The following NETO1 variants were observed in gnomAD, a reference collection of about 807,000 sequenced individuals.
The protein encoded by NETO1 is neuropilin and tolloid-like protein 1.
Under a neutral mutation model 61.3 loss-of-function variants are expected in NETO1, and 26 were observed. The observed-to-expected ratio is 0.42, with a 90% CI of 0.31 to 0.59. NETO1 has a LOEUF of 0.59. NETO1 is among the 20% of genes least tolerant of loss of function. The pLI is 0.12. For missense variants in NETO1, 531 were observed against 662.8 expected (o/e 0.80, Z 2.18); for synonymous variants, 225 against 225.8 (o/e 1.00, Z 0.03).
At chr18:72,813,375 C>A (rs2145222984) in intron 4 of NETO1, among the ~76,000 whole-genome samples, 1 of 152,254 alleles carries the variant, frequency 6.6e-6, no homozygotes, top group African/African-American at 2.4e-5. Flanking sequence ...ACAATTCCCC[C>A]AAATAATTTT....
intron 4 of NETO1, among the ~76,000 whole-genome samples, chr18:72,843,592 T>C (rs2073998905): frequency 6.6e-6 from 1 of 152,256 alleles, no homozygotes; most frequent in Admixed American, 6.5e-5. Flanking sequence ...GTGTAGCTCA[T>C]GTGTACCCTT....
intron 7 of NETO1, among the ~76,000 whole-genome samples, chr18:72,761,073 C>CATAAAATGTTAAGATGTATGAT (rs1361293168): frequency 0.02 from 3,040 of 148,616 alleles, 216 homozygotes; most frequent in African/African-American, 0.069. Context: ...AGATGTATGA[C>CATAAAATGTTAAGATGTATGAT]ATAAAATGTT....
intron 3 of NETO1, among the ~76,000 whole-genome samples, chr18:72,862,498 T>C (rs1206196456): frequency 3.3e-5 from 5 of 152,218 alleles, no homozygotes; most frequent in African/African-American, 4.8e-5. Flanking sequence ...TTCCCGTCTA[T>C]ATTTCTTTTC....
At chr18:72,865,407 A>C (rs1266482495) in intron 1 of NETO1, among the ~76,000 whole-genome samples, 166 bp from the exon 2 acceptor site, 1 of 152,254 alleles carries the variant, frequency 6.6e-6, no homozygotes, top group Non-Finnish European at 1.5e-5. Context: ...GAAATGTACA[A>C]ATCAGGAAAC....
rs535366348 is a variant in NETO1 at position 72,844,877 on chromosome 18, C to G, written c.469+13949G>C. Among the ~76,000 whole-genome samples, 7 of 152,334 alleles carry G rather than the reference C, an allele frequency of 4.6e-5. No individual in the cohort carries two copies. The East Asian group carries it at 1.4e-3, about 29-fold the overall frequency. ...TGATGGAGCTGTGGCTACGTGAGCA[C>G]GTCACACACCTCATCCATCCTGAGG... On this transcript the variant is annotated intron_variant, in intron 4 of 10. Transcript: ENST00000327305.
chr18:72,748,765 G>A (rs1265352895), intron 10 of NETO1, among the ~76,000 whole-genome samples: 8 of 151,724 alleles, frequency 5.3e-5, no homozygotes, highest in African/African-American at 7.3e-5. Context: ...TTAATTTGAC[G>A]TCCTTCTAAA....
intron 8 of NETO1, among the ~76,000 whole-genome samples, chr18:72,753,728 A>G (rs2070699330): frequency 6.6e-6 from 1 of 152,194 alleles, no homozygotes; most frequent in Admixed American, 6.5e-5. Context: ...TAAAAAAGCA[A>G]TGTTCTATGT....
chr18:72,775,648 T>A (rs757549048), intron 7 of NETO1, among the ~76,000 whole-genome samples: 2 of 152,196 alleles, frequency 1.3e-5, no homozygotes, highest in African/African-American at 2.4e-5. Context: ...ATAACTGTTA[T>A]CTATTTTCAT....
At chr18:72,763,425 A>G (rs1264859894) in intron 7 of NETO1, among the ~76,000 whole-genome samples, 2 of 151,994 alleles carry the variant, frequency 1.3e-5, no homozygotes, top group Admixed American at 1.3e-4. Flanking sequence ...TCCCCAGTCC[A>G]CTCATCTTGT....
rs758461903 is a variant in NETO1 at position 72,749,024 on chromosome 18, C to T, written c.*4G>A. 1.9e-6 allele frequency: 3 copies of T among 1,607,570 alleles called. 1 individual carries two copies. Among genetic ancestry groups the T allele is most frequent in the Non-Finnish European group, 2.6e-6 (3 of 1,174,604 alleles). Reference sequence around the variant, plus strand: ...AGGGCATCTGCTTACCTTGAATTTTCTTTCTAGACCCTAGTTGTGTTGTAT... The same window carrying T: ...AGGGCATCTGCTTACCTTGAATTTTTTTTCTAGACCCTAGTTGTGTTGTAT... On this transcript the variant is annotated 3_prime_UTR_variant, in exon 10 of 11. Coordinates refer to ENST00000327305, the MANE Select transcript of NETO1 (RefSeq NM_138966.5).
chr18:72,742,623 AC>A (rs2070361074), downstream of NETO1: 1 of 152,190 alleles, frequency 6.6e-6, no homozygotes, highest in Admixed American at 6.5e-5. Flanking sequence ...AGCAGTACGT[AC>A]TATGTTGAAT....
intron 4 of NETO1, among the ~76,000 whole-genome samples, chr18:72,795,774 T>C (rs2072290472): frequency 6.6e-6 from 1 of 152,180 alleles, no homozygotes; most frequent in Non-Finnish European, 1.5e-5. Context: ...AAAATCTACA[T>C]TCTGGCAATT....
chr18:72,749,919 GAA>G lies in NETO1; in HGVS notation c.1541+141_1541+142del, dbSNP rs2070535238. 1.1e-4 allele frequency: 73 copies of G among 650,252 alleles called. 4 individuals carry two copies. In the South Asian group the frequency reaches 1.6e-3, roughly 14 times the overall value. The allele number at this position is 650,252 out of a possible 1,614,324, so 40.3% of individuals were successfully genotyped here. ...TATGGATAGCAGTGAAAAGGAAAAA[GAA>G]GAGGGAAACTATTGGAAAACTAGGG... On this transcript the variant is annotated intron_variant, in intron 9 of 10. Transcript: ENST00000327305.
At position 72,867,299 on chromosome 18, in the gene NETO1, C is replaced by A; in HGVS notation, c.-8G>T. ...GCTGCGCCCATGGATCATGTCTGTG[C>A]GTTACACCAGAGGCTCCGGGCTCCA... On this transcript the variant is annotated 5_prime_UTR_variant, in exon 1 of 11. Transcript: ENST00000327305. 6.4e-7 allele frequency: 1 copy of A among 1,566,484 alleles called. No individual in the cohort carries two copies. Among genetic ancestry groups the A allele is most frequent in the Admixed American group, 1.8e-5 (1 of 55,022 alleles).
At chr18:72,786,583 A>G (rs969605340) in intron 6 of NETO1, among the ~76,000 whole-genome samples, 1 of 152,158 alleles carries the variant, frequency 6.6e-6, no homozygotes, top group Non-Finnish European at 1.5e-5. Context: ...CATATGCCCC[A>G]ACGAGGCCTT....
At chr18:72,805,620 C>T (rs1340925642) in intron 4 of NETO1, among the ~76,000 whole-genome samples, 1 of 152,104 alleles carries the variant, frequency 6.6e-6, no homozygotes, top group African/African-American at 2.4e-5. Context: ...CCTAAGAATA[C>T]AGTTGTAAAT....
chr18:72,814,970 T>C (rs1198710427), intron 4 of NETO1, among the ~76,000 whole-genome samples: 3 of 151,980 alleles, frequency 2.0e-5, no homozygotes, highest in African/African-American at 7.2e-5. Context: ...AGTAAAACAA[T>C]TATTATAAAA....
At chr18:72,840,606 G>A in intron 4 of NETO1, among the ~76,000 whole-genome samples, 1 of 151,486 alleles carries the variant, frequency 6.6e-6, no homozygotes, top group Non-Finnish European at 1.5e-5. Flanking sequence ...AACCCAACAG[G>A]AAATTTGAAT....
intron 7 of NETO1, among the ~76,000 whole-genome samples, chr18:72,762,055 C>T (rs1568178057): frequency 6.6e-6 from 1 of 152,102 alleles, no homozygotes; most frequent in Non-Finnish European, 1.5e-5. Context: ...GCAAAGTGTT[C>T]CATTGTGTCC....
Sources: gnomAD v4.1 joint callset for allele counts (sites outside exome capture counted in the v4.1 genomes callset) on GRCh38, gnomAD v4.1.1 for gene constraint, MANE v1.5 for transcripts, NCBI Gene and HGNC (gene_info 2026-07-23, HGNC 2026-07-21) for gene names.